Variants in SLX4IP observed in about 807,000 individuals in gnomAD.
SLX4IP encodes the protein SLX4 interacting protein, also known as protein SLX4IP.
Under a neutral mutation model 32.9 loss-of-function variants are expected in SLX4IP, and 34 were observed. The ratio of observed to expected loss-of-function variants is 1.03; its 90% CI spans 0.79 to 1.38. The LOEUF (loss-of-function observed/expected upper bound fraction) is 1.38. SLX4IP is among the 40% of genes most tolerant of loss of function. The pLI is 0.00. For missense variants in SLX4IP, 444 were observed against 479.0 expected (o/e 0.93, Z 0.68); for synonymous variants, 172 against 171.7 (o/e 1.00, Z -0.01).
At position 10,456,595 on chromosome 20, in the gene SLX4IP, C is replaced by T. The variant is rs145068117; in HGVS notation, c.-29-1581C>T. On this transcript the variant is annotated intron_variant, in intron 1 of 7. Coordinates refer to ENST00000334534, the MANE Select transcript of SLX4IP (RefSeq NM_001009608.3). ...GACCTCGTGATCTACCCGCCTCGGC[C>T]TCCCAAAGTGCTGAGATTAACAGGC... 3.1e-4 allele frequency among the ~76,000 whole-genome samples: 47 copies of T among 152,334 alleles called. No individual in the cohort carries two copies. In the East Asian group the frequency reaches 8.9e-3, roughly 29 times the overall value.
chr20:10,608,128 C>T (rs1301506238), intron 6 of SLX4IP, among the ~76,000 whole-genome samples: 3 of 152,112 alleles, frequency 2.0e-5, no homozygotes, highest in Non-Finnish European at 4.4e-5. Context: ...TTGATGAACC[C>T]TTTGATAGAT....
At chr20:10,597,556 A>T (rs112400402) in intron 4 of SLX4IP, among the ~76,000 whole-genome samples, 3,663 of 152,306 alleles carry the variant, frequency 0.024, 100 homozygotes, top group Admixed American at 0.088. Context: ...CTTTCATGTA[A>T]CATTATGTTT....
rs139139131 is a variant in SLX4IP, at chr20:10,501,218, A to G, written c.27+42987A>G. On this transcript the variant is annotated intron_variant, in intron 2 of 7. Coordinates refer to ENST00000334534, the MANE Select transcript of SLX4IP (RefSeq NM_001009608.3). The stretch of plus-strand genomic sequence containing the variant: ...ATTACCATATTTAGAAATGCTAGTG[A>G]TGGTGGAGGGAGTAATAATGACATT... Among the ~76,000 whole-genome samples the G allele has an allele frequency of 3.2e-4, 48 of 152,324 alleles. No homozygotes were observed. In the East Asian group the frequency reaches 8.9e-3, roughly 28 times the overall value.
chr20:10,552,096 C>G (rs970958159), intron 2 of SLX4IP, among the ~76,000 whole-genome samples: 3 of 152,194 alleles, frequency 2.0e-5, no homozygotes, highest in African/African-American at 7.2e-5. Context: ...GGTGACACCC[C>G]TGTTGTTGGC....
intron 4 of SLX4IP, among the ~76,000 whole-genome samples, chr20:10,567,945 A>G (rs71334896): frequency 0.05 from 7,661 of 152,316 alleles, 260 homozygotes; most frequent in Middle Eastern, 0.075. Flanking sequence ...TTATCTGTTC[A>G]TAACTGGCGA....
chr20:10,603,601 GT>G (rs2066868717), intron 6 of SLX4IP, among the ~76,000 whole-genome samples: 1 of 152,186 alleles, frequency 6.6e-6, no homozygotes, highest in Admixed American at 6.5e-5. Flanking sequence ...GTTGTGGTCA[GT>G]TTCTGTCTCT....
intron 2 of SLX4IP, among the ~76,000 whole-genome samples, chr20:10,536,743 C>T (rs902388149): frequency 1.3e-5 from 2 of 152,230 alleles, no homozygotes; most frequent in Non-Finnish European, 2.9e-5. Flanking sequence ...GCTATGCCAG[C>T]TGGCATAAAT....
chr20:10,557,101 C>T (rs544637412), intron 3 of SLX4IP, among the ~76,000 whole-genome samples: 28 of 152,188 alleles, frequency 1.8e-4, no homozygotes, highest in Non-Finnish European at 2.8e-4. Flanking sequence ...TATCATTATC[C>T]GTGATGTCCA....
At chr20:10,515,703 C>G (rs1387263646) in intron 2 of SLX4IP, among the ~76,000 whole-genome samples, 2 of 152,152 alleles carry the variant, frequency 1.3e-5, no homozygotes, top group Admixed American at 1.3e-4. Context: ...AGTTCACTAG[C>G]CTGAATATTC....
chr20:10,493,842 G>C (rs1469593457), intron 2 of SLX4IP, among the ~76,000 whole-genome samples: 1 of 84,878 alleles, frequency 1.2e-5, no homozygotes, highest in African/African-American at 4.3e-5. Context: ...TTACTGAAGT[G>C]TTTTTTTTAT....
intron 1 of SLX4IP, among the ~76,000 whole-genome samples, chr20:10,435,729 A>C (rs1427025081): frequency 6.6e-6 from 1 of 152,258 alleles, no homozygotes; most frequent in Non-Finnish European, 1.5e-5. Flanking sequence ...ATTTGTATCA[A>C]ATCATGGCTA....
rs2067176697 is a variant in SLX4IP at position 10,626,647 on chromosome 20, A to T, written c.*3268A>T. The T allele has an allele frequency of 6.6e-6, 1 of 152,038 alleles. No individual in the cohort carries two copies. The highest frequency in any genetic ancestry group is 1.5e-5 in the Non-Finnish European group (1 of 67,988). 9.4% of individuals were successfully genotyped at this position (152,038 alleles called of 1,614,324 possible). ...GAAAGGTCTGGGAACAATCTGTATG[A>T]TTTTTCTTTCACATTTTCTTATCTT... On this transcript the variant is annotated 3_prime_UTR_variant, in exon 8 of 8. Transcript: ENST00000334534.
chr20:10,508,309 G>GA (rs1207780627), intron 2 of SLX4IP, among the ~76,000 whole-genome samples: 1 of 152,232 alleles, frequency 6.6e-6, no homozygotes, highest in East Asian at 1.9e-4. Context: ...GCCCAGCCCT[G>GA]AAAATCCTTC....
intron 2 of SLX4IP, among the ~76,000 whole-genome samples, chr20:10,518,353 CTCTT>C (rs1335653269): frequency 9.3e-5 from 10 of 107,224 alleles, no homozygotes; most frequent in South Asian, 3.1e-4. Flanking sequence ...CTTTCTTTCT[CTCTT>C]TCTTTCTTTC....
intron 3 of SLX4IP, among the ~76,000 whole-genome samples, chr20:10,559,814 A>G (rs940385887): frequency 6.6e-6 from 1 of 152,188 alleles, no homozygotes; most frequent in Non-Finnish European, 1.5e-5. Flanking sequence ...ATGTTAATCT[A>G]CTTTAGAGAA....
At chr20:10,567,937 A>AGG (rs2066415335) in intron 4 of SLX4IP, among the ~76,000 whole-genome samples, 1 of 152,170 alleles carries the variant, frequency 6.6e-6, no homozygotes, top group African/African-American at 2.4e-5. Flanking sequence ...ACAAATTTTT[A>AGG]TCTGTTCATA....
At chr20:10,599,655 C>T (rs1776244535) in intron 5 of SLX4IP, among the ~76,000 whole-genome samples, 1 of 152,018 alleles carries the variant, frequency 6.6e-6, no homozygotes, top group African/African-American at 2.4e-5. Context: ...CCTTGGCCTC[C>T]TAAGGTGCTG....
intron 2 of SLX4IP, among the ~76,000 whole-genome samples, chr20:10,519,982 T>A (rs1046825096): frequency 2.0e-5 from 3 of 152,254 alleles, no homozygotes; most frequent in Non-Finnish European, 2.9e-5. Flanking sequence ...GAGCATCTTT[T>A]CATGTGCTTA....
At chr20:10,547,927 A>G (rs1053359913) in intron 2 of SLX4IP, among the ~76,000 whole-genome samples, 7 of 152,214 alleles carry the variant, frequency 4.6e-5, no homozygotes, top group African/African-American at 1.4e-4. Context: ...GTGGACTGAC[A>G]GAGGACAGTA....
Sources: gnomAD v4.1 joint callset for allele counts (sites outside exome capture counted in the v4.1 genomes callset) on GRCh38, gnomAD v4.1.1 for gene constraint, MANE v1.5 for transcripts, NCBI Gene and HGNC (gene_info 2026-07-23, HGNC 2026-07-21) for gene names.